AASDH: variants seen among roughly 807,000 people sequenced by gnomAD.
AASDH encodes the protein aminoadipate-semialdehyde dehydrogenase.
In AASDH, 81 loss-of-function variants were observed where a neutral mutation model predicts 102.3. That is an observed-to-expected ratio of 0.79 (90% CI 0.66 to 0.95). AASDH has a LOEUF of 0.95. Among genes scored for constraint, AASDH ranks in the 40% least tolerant of loss-of-function variants. The pLI is 0.00. For missense variants in AASDH, 1,203 were observed against 1,266.2 expected (o/e 0.95, Z 0.76); for synonymous variants, 398 against 454.0 (o/e 0.88, Z 1.57).
intron 4 of AASDH, among the ~76,000 whole-genome samples, chr4:56,377,907 C>A (rs1263387181): frequency 1.3e-5 from 2 of 152,142 alleles, no homozygotes; most frequent in African/African-American, 4.8e-5. Context: ...TGGGTTCAAG[C>A]AATTCTCCTG....
chr4:56,364,611 C>G lies in AASDH; in HGVS notation c.861+6840G>C, dbSNP rs528537221. ...TTTCAACCCAGAATTTCATATCCAG[C>G]CAAACTAAGCTTCATAAGTGAAGGA... On this transcript the variant is annotated intron_variant, in intron 5 of 14. Transcript: ENST00000205214. 1.2e-3 allele frequency among the ~76,000 whole-genome samples: 179 copies of G among 152,180 alleles called. 1 individual carries two copies. The highest frequency in any genetic ancestry group is 4.3e-3 in the African/African-American group (177 of 41,514).
In AASDH at chr4:56,382,518, AT is replaced by A; in HGVS notation, c.309del (p.Lys103AsnfsTer4). 1.2e-6 allele frequency: 2 copies of A among 1,600,740 alleles called. No homozygotes were observed. Among genetic ancestry groups the A allele is most frequent in the Non-Finnish European group, 1.7e-6 (2 of 1,168,928 alleles). ...PPSLSTHFMK[K>X]CNLKYILVEK... ...TCAACAAGGATATACTTTAGATTAC[AT>A]TTTTTCATAAAATGAGTTGATAATG... On this transcript the variant is annotated frameshift_variant, in exon 3 of 15. Coordinates refer to ENST00000205214, the MANE Select transcript of AASDH (RefSeq NM_181806.4). LOFTEE classifies it high-confidence loss of function.
chr4:56,377,699 T>C (rs1752517815), intron 4 of AASDH, among the ~76,000 whole-genome samples: 1 of 152,118 alleles, frequency 6.6e-6, no homozygotes, highest in South Asian at 2.1e-4. Context: ...CAGATACAGC[T>C]GAAACAAAAA....
At chr4:56,376,019 CTTTTTTTTTT>C (rs67950154) in intron 4 of AASDH, among the ~76,000 whole-genome samples, 1 of 106,746 alleles carries the variant, frequency 9.4e-6, no homozygotes, top group Non-Finnish European at 1.8e-5. Context: ...AACCGCTCAT[CTTTTTTTTTT>C]TTTTTTTTTT....
At chr4:56,352,137 T>A (rs1749089976) in intron 9 of AASDH, among the ~76,000 whole-genome samples, 1 of 151,984 alleles carries the variant, frequency 6.6e-6, no homozygotes, top group Non-Finnish European at 1.5e-5. Context: ...CAAACAATAA[T>A]AAAAATAAAA....
Position 56,338,351 on chromosome 4 carries a change from A to AAAT in AASDH, c.*48_*50dup, listed in dbSNP as rs760461714. 2.2e-5 allele frequency: 34 copies of AAAT among 1,562,866 alleles called. No homozygotes were observed. The highest frequency in any genetic ancestry group is 6.9e-6 in the Non-Finnish European group (8 of 1,151,122). On this transcript the variant is annotated 3_prime_UTR_variant, in exon 15 of 15. Coordinates refer to ENST00000205214, the MANE Select transcript of AASDH (RefSeq NM_181806.4). ...TAAGTCCACATGATGTATAATGGTA[A>AAAT]AATATTTTCAAATATCTCACATTTG...
In AASDH at chr4:56,355,411, A is replaced by G; in HGVS notation, c.874T>C (p.Leu292=). The change falls in exon 6 of 15, where the codon TTG becomes CTG. Residue 292 remains leucine, a synonymous_variant. Coordinates refer to ENST00000205214, the MANE Select transcript of AASDH (RefSeq NM_181806.4). ...RVTVLQATPT[L]LRRFGSQLIK... Reference sequence around the variant, plus strand: ...AGCTGAGATCCAAATCTTCTAAGCAATGTTGGTGTTGCCTGTAGATACATT... The same window carrying G: ...AGCTGAGATCCAAATCTTCTAAGCAGTGTTGGTGTTGCCTGTAGATACATT... 1 of 1,613,652 alleles carries G rather than the reference A, an allele frequency of 6.2e-7. No homozygotes were observed. Among genetic ancestry groups the G allele is most frequent in the Non-Finnish European group, 8.5e-7 (1 of 1,179,662 alleles).
intron 11 of AASDH, among the ~76,000 whole-genome samples, chr4:56,347,040 TAAA>T (rs200094597): frequency 2.2e-5 from 3 of 133,568 alleles, no homozygotes; most frequent in Admixed American, 1.5e-4. Flanking sequence ...GACGCTGTCT[TAAA>T]AAAAAAAAAA....
At chr4:56,361,881 A>T (rs980692587) in intron 5 of AASDH, among the ~76,000 whole-genome samples, 2 of 152,170 alleles carry the variant, frequency 1.3e-5, no homozygotes, top group African/African-American at 4.8e-5. Flanking sequence ...CTGAGGTGGG[A>T]GGATCACTTG....
intron 10 of AASDH, among the ~76,000 whole-genome samples, chr4:56,350,908 A>C (rs1398946896): frequency 6.6e-6 from 1 of 152,200 alleles, no homozygotes; most frequent in Non-Finnish European, 1.5e-5. Context: ...TATATTTTTA[A>C]ACAAACTCTC....
intron 8 of AASDH, 103 bp downstream of exon 8, chr4:56,353,936 A>G: frequency 9.3e-7 from 1 of 1,078,314 alleles, no homozygotes; most frequent in Non-Finnish European, 1.3e-6. Flanking sequence ...CTAACACAAA[A>G]ATGTCAGGTG....
At position 56,378,586 on chromosome 4, in the gene AASDH, A is replaced by G. The variant is rs1489877158; in HGVS notation, c.352-122T>C. 5 of 870,444 alleles carry G rather than the reference A, an allele frequency of 5.7e-6. No individual in the cohort carries two copies. The East Asian group carries it at 1.4e-4, about 24-fold the overall frequency. 53.9% of individuals were successfully genotyped at this position (870,444 alleles called of 1,614,324 possible). ...CCTTGGGGGAATTGGTTCTAGGATC[A>G]TCTCAGATACCAAAATCTGAAGATG... On this transcript the variant is annotated intron_variant, in intron 3 of 14. Coordinates refer to ENST00000205214, the MANE Select transcript of AASDH (RefSeq NM_181806.4).
chr4:56,377,077 A>AAAT (rs1553933207), intron 4 of AASDH, among the ~76,000 whole-genome samples: 8 of 112,044 alleles, frequency 7.1e-5, no homozygotes, highest in East Asian at 4.4e-4. Flanking sequence ...AAAAAAAAAA[A>AAAT]AAAATAAATA....
chr4:56,381,964 C>T (rs1753019866), intron 3 of AASDH: 1 of 151,996 alleles, frequency 6.6e-6, no homozygotes, highest in African/African-American at 2.4e-5. Context: ...GAAAGATCTC[C>T]TCTAAGTACC....
rs1251775877 is a variant in AASDH at position 56,349,373 on chromosome 4, C to T, written c.2378G>A (p.Arg793Lys). 1.2e-6 allele frequency: 2 copies of T among 1,614,054 alleles called. No homozygotes were observed. The highest frequency in any genetic ancestry group is 8.5e-7 in the Non-Finnish European group (1 of 1,180,012). ...TTVYIGSHSH[R>K]MKAVDFYSGK... is the part of the protein sequence containing the mutation. ...AGAGTAAAAGTCAACTGCCTTCATT[C>T]TATGAGAATGGGAACCAATGTACAC... is the stretch of plus-strand genomic sequence containing the variant. The change falls in exon 11 of 15, where the codon AGA (arginine) becomes AAA (lysine). Residue 793 changes from arginine (R) to lysine (K), a missense_variant. Transcript: ENST00000205214.
At position 56,349,698 on chromosome 4, in the gene AASDH, T is replaced by C. The variant is rs1748757315; in HGVS notation, c.2053A>G (p.Ser685Gly). 4 of 1,614,052 alleles carry C rather than the reference T, an allele frequency of 2.5e-6. No homozygotes were observed. In the African/African-American group the frequency reaches 5.3e-5, roughly 22 times the overall value. Residue 685 changes from serine (S) to glycine (G), a missense_variant, in exon 11 of 15, where the codon AGT becomes GGT. Transcript: ENST00000205214. The stretch of plus-strand genomic sequence containing the variant: ...GTGGAATTCAGAGACAAAATTTGAC[T>C]CCCTCTGCTCAGTACAACAAAAGCA... ...INAFVVLSRG[S>G]QILSLNSTRF...
chr4:56,363,865 G>T (rs893614892), intron 5 of AASDH, among the ~76,000 whole-genome samples: 1 of 152,144 alleles, frequency 6.6e-6, no homozygotes, highest in African/African-American at 2.4e-5. Flanking sequence ...GAACAAAGCT[G>T]GACAGAGAAT....
chr4:56,343,429 T>A (rs1747940707), intron 13 of AASDH, 133 bp downstream of exon 13: 1 of 550,858 alleles, frequency 1.8e-6, no homozygotes, highest in Non-Finnish European at 3.1e-6. Flanking sequence ...CAATCATTTT[T>A]AATGAATTCC....
intron 5 of AASDH, among the ~76,000 whole-genome samples, chr4:56,365,748 A>G (rs1453039784): frequency 1.3e-5 from 2 of 152,226 alleles, no homozygotes; most frequent in African/African-American, 4.8e-5. Context: ...ATAGCACTAA[A>G]TGCCCACAAG....
Sources: allele counts gnomAD v4.1 joint callset (sites outside exome capture counted in the v4.1 genomes callset), GRCh38; gene constraint gnomAD v4.1.1; transcripts MANE v1.5; gene names NCBI Gene and HGNC (gene_info 2026-07-23, HGNC 2026-07-21).